The following ZNF682 variants were observed in gnomAD, a reference collection of about 807,000 sequenced individuals.
ZNF682 encodes zinc finger protein 682.
ZNF682 carries 29 observed loss-of-function variants against 36.5 expected under a neutral mutation model. That is an observed-to-expected ratio of 0.80 (90% CI 0.59 to 1.08). The LOEUF (loss-of-function observed/expected upper bound fraction) is 1.08, where lower values mean the gene tolerates loss of function less well. Among genes scored for constraint, ZNF682 ranks in the 50% least tolerant of loss-of-function variants. The pLI, the probability that ZNF682 is intolerant of heterozygous loss-of-function variation, is 0.00. For missense variants in ZNF682, 561 were observed against 579.7 expected, an observed-to-expected ratio of 0.97 and a Z score of 0.33; for synonymous variants, 180 against 197.0, an observed-to-expected ratio of 0.91 and a Z score of 0.72.
intron 3 of ZNF682, chr19:20,015,607 G>A (rs569991379): frequency 5.2e-6 from 1 of 191,188 alleles, no homozygotes; most frequent in South Asian, 1.8e-4. Flanking sequence ...TACTGATGAA[G>A]AATTCTTCTA....
chr19:20,033,673 C>A, intron 1 of ZNF682: 1 of 152,754 alleles, frequency 6.5e-6, no homozygotes, highest in Admixed American at 6.5e-5. Context: ...CTCCCTCAGC[C>A]TCTCGAGTAG....
intron 3 of ZNF682, among the ~76,000 whole-genome samples, chr19:20,008,641 A>G (rs1235877411): frequency 1.3e-5 from 2 of 152,186 alleles, no homozygotes; most frequent in Admixed American, 1.3e-4. Flanking sequence ...CTGGTGACCT[A>G]AAAGTGTGAA....
Position 20,006,751 on chromosome 19 carries a change from G to A in ZNF682, c.751C>T (p.His251Tyr). Residue 251 changes from histidine (H) to tyrosine (Y), a missense_variant, in exon 4 of 4, where the codon CAT becomes TAT. Transcript: ENST00000397165. ...CSSLTKHKRI[H>Y]TGEKPYKCEE... ...CATTTGTAGGGTTTCTCACCAGTAT[G>A]GATTCTCTTATGTTTAGTAAGACTC... 1 of 1,613,724 alleles carries A rather than the reference G, an allele frequency of 6.2e-7. No individual in the cohort carries two copies. The highest frequency in any genetic ancestry group is 8.5e-7 in the Non-Finnish European group (1 of 1,179,950).
In ZNF682 at chr19:20,012,139, G is replaced by C. The variant is rs1239193913; in HGVS notation, c.227-4864C>G. Among the ~76,000 whole-genome samples the C allele has an allele frequency of 2.0e-5, 3 of 152,164 alleles. No homozygotes were observed. In the East Asian group the frequency reaches 5.8e-4, roughly 29 times the overall value. On this transcript the variant is annotated intron_variant, in intron 3 of 3. Coordinates refer to ENST00000397165, the MANE Select transcript of ZNF682 (RefSeq NM_033196.3). ...GCTAAACTTTTATATCAAGAAGATAGATCTCAAGTTAACAACCTGATACCA... is the reference window on the plus strand; with the variant it reads ...GCTAAACTTTTATATCAAGAAGATACATCTCAAGTTAACAACCTGATACCA...
chr19:20,038,660 C>A (rs1213409681), intron 1 of ZNF682, among the ~76,000 whole-genome samples: 1 of 151,212 alleles, frequency 6.6e-6, no homozygotes, highest in African/African-American at 2.4e-5. Flanking sequence ...TAAATTGCTA[C>A]CTTAGGGGGA....
rs560936932 is a variant in ZNF682 at position 20,023,157 on chromosome 19, A to G, written c.131-58T>C. The G allele has an allele frequency of 2.3e-5, 33 of 1,456,138 alleles. No individual in the cohort carries two copies. In the East Asian group the frequency reaches 7.5e-4, roughly 33 times the overall value. The allele number at this position is 1,456,138 out of a possible 1,614,324, so 90.2% of individuals were successfully genotyped here. A position where few individuals can be genotyped will look rare whatever the true frequency, so the allele number is the denominator to read the frequency against. The stretch of plus-strand genomic sequence containing the variant: ...GCTGGGATTCTCCAATTACCAACCT[A>G]GTGTTGTGCTCTGTAGATAAGAGAG... On this transcript the variant is annotated intron_variant, in intron 2 of 3. Transcript: ENST00000397165.
downstream of ZNF682, among the ~76,000 whole-genome samples, chr19:19,999,568 G>A (rs1486692576): frequency 6.6e-6 from 1 of 150,752 alleles, no homozygotes; most frequent in Non-Finnish European, 1.5e-5. Context: ...ACGGAGTCTC[G>A]CTGTTGCCCA....
chr19:20,024,487 C>T, intron 1 of ZNF682, 111 bp from the exon 2 acceptor site: 1 of 1,264,884 alleles, frequency 7.9e-7, no homozygotes, highest in East Asian at 2.4e-5. Flanking sequence ...ATTATTCAAT[C>T]TGCTATTTTT....
intron 3 of ZNF682, among the ~76,000 whole-genome samples, chr19:20,022,107 T>G (rs1165649913): frequency 6.7e-6 from 1 of 150,018 alleles, no homozygotes; most frequent in African/African-American, 2.5e-5. Context: ...AAGGCAGAGG[T>G]TGCAGTGAGC....
chr19:20,003,969 T>G (rs917365677), downstream of ZNF682, among the ~76,000 whole-genome samples: 3 of 152,202 alleles, frequency 2.0e-5, no homozygotes, highest in Non-Finnish European at 4.4e-5. Context: ...TCAAATACAA[T>G]TACTTGCTTC....
At chr19:20,031,717 C>T (rs1568546871) in intron 1 of ZNF682, among the ~76,000 whole-genome samples, 1 of 152,012 alleles carries the variant, frequency 6.6e-6, no homozygotes, top group Non-Finnish European at 1.5e-5. Flanking sequence ...CCGAGGTGGG[C>T]GGATCACGAG....
At chr19:20,028,905 G>A (rs1268238551) in intron 1 of ZNF682, among the ~76,000 whole-genome samples, 1 of 151,894 alleles carries the variant, frequency 6.6e-6, no homozygotes, top group Non-Finnish European at 1.5e-5. Context: ...TGGGAGGTGG[G>A]TACTAACTGT....
chr19:20,001,187 C>G (rs1239385761), downstream of ZNF682, among the ~76,000 whole-genome samples: 1 of 152,192 alleles, frequency 6.6e-6, no homozygotes. Context: ...TTACATCAAG[C>G]CATGAGCATT....
chr19:20,019,750 G>A (rs1295052780), intron 3 of ZNF682, among the ~76,000 whole-genome samples: 3 of 152,078 alleles, frequency 2.0e-5, no homozygotes, highest in Non-Finnish European at 2.9e-5. Flanking sequence ...CATCAGGCAG[G>A]TGCAAACCAA....
chr19:19,998,555 C>G (rs1453584284), intron 3 of ZNF682, among the ~76,000 whole-genome samples: 1 of 152,194 alleles, frequency 6.6e-6, no homozygotes, highest in Non-Finnish European at 1.5e-5. Flanking sequence ...GGACCAGAAA[C>G]TGGACACAGT....
At chr19:20,012,687 G>A (rs550958510) in intron 3 of ZNF682, among the ~76,000 whole-genome samples, 155 of 148,206 alleles carry the variant, frequency 1.0e-3, no homozygotes, top group Non-Finnish European at 2.0e-3. Context: ...AGAATGGCAC[G>A]AACCCGGGAG....
chr19:20,023,603 TA>T (rs2088406418), intron 2 of ZNF682, among the ~76,000 whole-genome samples: 1 of 152,186 alleles, frequency 6.6e-6, no homozygotes, highest in Non-Finnish European at 1.5e-5. Flanking sequence ...CAATACTACT[TA>T]ATCGAAAATT....
chr19:20,003,181 A>G (rs1246723445), downstream of ZNF682, among the ~76,000 whole-genome samples: 3 of 95,280 alleles, frequency 3.1e-5, no homozygotes, highest in Non-Finnish European at 5.9e-5. Flanking sequence ...ACAGAGCAAG[A>G]CTCCGTCTCA....
chr19:19,999,199 C>G (rs1299914793), intron 3 of ZNF682, among the ~76,000 whole-genome samples: 1 of 152,206 alleles, frequency 6.6e-6, no homozygotes, highest in Non-Finnish European at 1.5e-5. Context: ...AAATTAAGTT[C>G]TGTTGTTTAT....
Sources: gnomAD v4.1 joint callset for allele counts (sites outside exome capture counted in the v4.1 genomes callset) on GRCh38, gnomAD v4.1.1 for gene constraint, MANE v1.5 for transcripts, NCBI Gene and HGNC (gene_info 2026-07-23, HGNC 2026-07-21) for gene names.